Variants in POLR1D observed in about 807,000 individuals in gnomAD.
POLR1D encodes DNA-directed RNA polymerases I and III subunit RPAC2.
A neutral mutation model predicts 10.8 loss-of-function variants in POLR1D; 8 were observed. The observed-to-expected ratio is 0.74, with a 90% CI of 0.43 to 1.33. The LOEUF (loss-of-function observed/expected upper bound fraction) is 1.33, where lower values mean the gene tolerates loss of function less well. POLR1D is among the 40% of genes most tolerant of loss of function. POLR1D has a pLI of 0.01. For missense variants in POLR1D, 152 were observed against 161.7 expected (o/e 0.94, Z 0.32); for synonymous variants, 54 against 57.2 (o/e 0.94, Z 0.25).
chr13:27,633,444 A>G (rs1489890666), intron 1 of POLR1D, among the ~76,000 whole-genome samples: 2 of 152,204 alleles, frequency 1.3e-5, no homozygotes, highest in Non-Finnish European at 2.9e-5. Flanking sequence ...GGGTGAAAGG[A>G]TGTAGGATTG....
At chr13:27,622,283 G>C (rs144748101) in intron 1 of POLR1D, 3 of 565,252 alleles carry the variant, frequency 5.3e-6, no homozygotes, top group East Asian at 5.9e-5. Flanking sequence ...CACGCCCCGG[G>C]CCTCTGCTCC....
chr13:27,661,818 C>T (rs662299), intron 2 of POLR1D, among the ~76,000 whole-genome samples: 103,221 of 152,052 alleles, frequency 0.68, 37,109 homozygotes, highest in East Asian at 0.91. Flanking sequence ...AGAGATCACC[C>T]ACCTACTTCA....
chr13:27,653,747 T>A (rs912045115), intron 2 of POLR1D, among the ~76,000 whole-genome samples: 3 of 152,214 alleles, frequency 2.0e-5, no homozygotes, highest in African/African-American at 7.2e-5. Flanking sequence ...ATAACATTTA[T>A]AAGAAAAATA....
At chr13:27,652,657 G>A (rs1956275884) in intron 2 of POLR1D, among the ~76,000 whole-genome samples, 1 of 13,586 alleles carries the variant, frequency 7.4e-5, no homozygotes, top group Non-Finnish European at 2.5e-4. Flanking sequence ...GATCACTTGA[G>A]TCAGGAGTTT....
At chr13:27,647,147 T>C (rs1353864341) in intron 1 of POLR1D, among the ~76,000 whole-genome samples, 2 of 152,162 alleles carry the variant, frequency 1.3e-5, no homozygotes. Flanking sequence ...CATATTCAAG[T>C]CAGGGACGAT....
chr13:27,648,540 A>G, intron 2 of POLR1D: 1 of 815,132 alleles, frequency 1.2e-6, no homozygotes, highest in Non-Finnish European at 2.1e-6. Flanking sequence ...CATATAGAGG[A>G]AATGGGAAAC....
chr13:27,662,875 G>A (rs1418916536), intron 2 of POLR1D, among the ~76,000 whole-genome samples: 3 of 152,136 alleles, frequency 2.0e-5, no homozygotes, highest in Admixed American at 6.5e-5. Context: ...TAAGATAGTC[G>A]CCATTATTAT....
At chr13:27,634,225 A>G (rs908968675) in intron 1 of POLR1D, among the ~76,000 whole-genome samples, 1 of 152,206 alleles carries the variant, frequency 6.6e-6, no homozygotes, top group Non-Finnish European at 1.5e-5. Flanking sequence ...GTTGGAAAAC[A>G]TAAAGGATTC....
chr13:27,622,223 G>A (rs1475085768), intron 1 of POLR1D: 1 of 607,082 alleles, frequency 1.6e-6, no homozygotes, highest in Non-Finnish European at 2.9e-6. Flanking sequence ...GGAGACCAGA[G>A]TTAAGTATCC....
At chr13:27,661,870 G>T (rs1956367792) in intron 2 of POLR1D, among the ~76,000 whole-genome samples, 1 of 152,186 alleles carries the variant, frequency 6.6e-6, no homozygotes, top group Admixed American at 6.5e-5. Context: ...TAGAGGGTTT[G>T]TGGAACAGTT....
At chr13:27,662,510 T>C (rs1211444480) in intron 2 of POLR1D, among the ~76,000 whole-genome samples, 1 of 152,220 alleles carries the variant, frequency 6.6e-6, no homozygotes, top group East Asian at 1.9e-4. Context: ...TTTGGTGTCA[T>C]AAAAATAACT....
intron 2 of POLR1D, among the ~76,000 whole-genome samples, chr13:27,657,541 G>A (rs943002705): frequency 6.6e-5 from 10 of 151,958 alleles, no homozygotes; most frequent in Non-Finnish European, 2.9e-5. Context: ...AATAAAAAAT[G>A]AATAAAAAAT....
At position 27,629,350 on chromosome 13, in the gene POLR1D, A is replaced by G. The variant is rs531467076; in HGVS notation, c.26+7341A>G. Among the ~76,000 whole-genome samples, 4 of 152,328 alleles carry G rather than the reference A, an allele frequency of 2.6e-5. No homozygotes were observed. The South Asian group carries it at 8.3e-4, about 32-fold the overall frequency. ...TCTTCTTCTGCAAATTGGGATAACA[A>G]TAATACCATATAGGGATGTTACAAG... is the stretch of plus-strand genomic sequence containing the variant. On this transcript the variant is annotated intron_variant, in intron 1 of 2. Transcript: ENST00000399697.
At chr13:27,642,563 T>C (rs1255799270) in intron 1 of POLR1D, among the ~76,000 whole-genome samples, 1 of 152,224 alleles carries the variant, frequency 6.6e-6, no homozygotes, top group African/African-American at 2.4e-5. Context: ...ACAGATGCAG[T>C]ATTTTTATTT....
chr13:27,633,763 C>T (rs1205338945), intron 1 of POLR1D, among the ~76,000 whole-genome samples: 1 of 152,220 alleles, frequency 6.6e-6, no homozygotes, highest in Non-Finnish European at 1.5e-5. Context: ...GATCACCCAA[C>T]ATTGCGATCC....
rs543808650 is a variant in POLR1D, at chr13:27,621,916, G to A, written c.-68G>A. ...TCCTTGCTTCCTGCTTCGCCTCCGC[G>A]CCTCGCGCTATGGGACAGAGCCCCC... On this transcript the variant is annotated 5_prime_UTR_variant, in exon 1 of 2. Transcript: ENST00000302979. 3.9e-4 allele frequency: 590 copies of A among 1,524,172 alleles called. 1 individual carries two copies. The highest frequency in any genetic ancestry group is 5.0e-4 in the Non-Finnish European group (562 of 1,117,804). 94.4% of individuals were successfully genotyped at this position (1,524,172 alleles called of 1,614,324 possible).
intron 2 of POLR1D, chr13:27,664,654 A>G (rs923785859): frequency 1.3e-5 from 2 of 152,212 alleles, no homozygotes; most frequent in African/African-American, 2.4e-5. Context: ...AGGCTATGCT[A>G]ATGCCTGACT....
chr13:27,648,625 T>A (rs1197757451), intron 2 of POLR1D, among the ~76,000 whole-genome samples: 2 of 152,206 alleles, frequency 1.3e-5, no homozygotes, highest in Admixed American at 1.3e-4. Flanking sequence ...TGAGAAACTC[T>A]AATAACATGA....
downstream of POLR1D, among the ~76,000 whole-genome samples, chr13:27,627,589 G>A (rs1459936351): frequency 6.6e-6 from 1 of 152,168 alleles, no homozygotes; most frequent in Non-Finnish European, 1.5e-5. Flanking sequence ...TCTTTCATGA[G>A]CACTCATTCT....
Sources: gnomAD v4.1 joint callset for allele counts (sites outside exome capture counted in the v4.1 genomes callset) on GRCh38, gnomAD v4.1.1 for gene constraint, MANE v1.5 for transcripts, NCBI Gene and HGNC (gene_info 2026-07-23, HGNC 2026-07-21) for gene names.